The following FAM107B variants were observed in gnomAD, a reference collection of about 807,000 sequenced individuals.
FAM107B encodes protein FAM107B.
Under a neutral mutation model 31.5 loss-of-function variants are expected in FAM107B, and 21 were observed. That is an observed-to-expected ratio of 0.67 (90% confidence interval 0.47 to 0.96). FAM107B has a LOEUF of 0.96. Among genes scored for constraint, FAM107B ranks in the 40% least tolerant of loss-of-function variants. FAM107B has a pLI of 0.00. For missense variants in FAM107B, 452 were observed against 377.1 expected, an observed-to-expected ratio of 1.20 and a Z score of -1.64; for synonymous variants, 157 against 141.5, an observed-to-expected ratio of 1.11 and a Z score of -0.78.
At chr10:14,752,381 C>A (rs1027324328) in intron 1 of FAM107B, among the ~76,000 whole-genome samples, 2 of 152,192 alleles carry the variant, frequency 1.3e-5, no homozygotes, top group Non-Finnish European at 2.9e-5. Flanking sequence ...GATCCTGTAC[C>A]CTGAGAGGTT....
At chr10:14,532,653 AACGTGCTCCTCGGCAAAATCCTAAATGC>A (rs759779527) in intron 2 of FAM107B, 2 of 152,310 alleles carry the variant, frequency 1.3e-5, no homozygotes, top group East Asian at 3.9e-4. Flanking sequence ...CCCATGGAAA[AACGTGCTCCTCGGCAAAATCCTAAATGC>A]ACTACATACA....
intron 1 of FAM107B, among the ~76,000 whole-genome samples, chr10:14,710,389 A>AT (rs1554851471): frequency 6.6e-6 from 1 of 151,832 alleles, no homozygotes; most frequent in Non-Finnish European, 1.5e-5. Context: ...CCAGCATGGG[A>AT]TAAAAAACAT....
chr10:14,628,115 T>G (rs1032984254), intron 2 of FAM107B, among the ~76,000 whole-genome samples: 2 of 120,260 alleles, frequency 1.7e-5, no homozygotes, highest in Non-Finnish European at 3.4e-5. Context: ...TTTGCTGGTT[T>G]TTTTTTTTTT....
intron 2 of FAM107B, among the ~76,000 whole-genome samples, chr10:14,664,061 A>T (rs1214149685): frequency 2.0e-5 from 3 of 152,104 alleles, no homozygotes; most frequent in Non-Finnish European, 4.4e-5. Flanking sequence ...CATTCTCTTG[A>T]AAAACTTCCT....
At chr10:14,669,992 C>T (rs1854503268) in intron 1 of FAM107B, among the ~76,000 whole-genome samples, 1 of 152,128 alleles carries the variant, frequency 6.6e-6, no homozygotes, top group Admixed American at 6.5e-5. Flanking sequence ...AATGCCTTGA[C>T]TTGATCATCA....
At position 14,624,509 on chromosome 10, in the gene FAM107B, G is replaced by A. The variant is rs74122857; in HGVS notation, c.469+43125C>T. ...AAATACGCCAGGTGTGGTGGTGTGC[G>A]CCTGTAATCCTAGCTACTCGGGAGG... is the stretch of plus-strand genomic sequence containing the variant. On this transcript the variant is annotated intron_variant, in intron 2 of 4. Transcript: ENST00000181796. Among the ~76,000 whole-genome samples, 16 of 152,082 alleles carry A rather than the reference G, an allele frequency of 1.1e-4. 1 individual carries two copies. In the South Asian group the frequency reaches 1.2e-3, roughly 12 times the overall value.
chr10:14,723,373 C>G (rs1257055728), intron 1 of FAM107B: 7 of 548,080 alleles, frequency 1.3e-5, no homozygotes, highest in Non-Finnish European at 2.1e-5. Flanking sequence ...TCGATTTGCC[C>G]TGAAATTCCT....
chr10:14,521,019 T>C lies in FAM107B; in HGVS notation c.*171A>G. On this transcript the variant is annotated 3_prime_UTR_variant, in exon 5 of 5. Transcript: ENST00000181796. ...TCATTTGGCGAATAGGAACTGCAAC[T>C]GTCACAGGCAAGGCATCCACCCAGA... The C allele has an allele frequency of 1.7e-6, 1 of 588,090 alleles. No individual in the cohort carries two copies. The highest frequency in any genetic ancestry group is 3.0e-6 in the Non-Finnish European group (1 of 334,172). 36.4% of individuals were successfully genotyped at this position (588,090 alleles called of 1,614,324 possible).
intron 1 of FAM107B, among the ~76,000 whole-genome samples, chr10:14,714,110 C>T (rs1475199733): frequency 1.3e-5 from 2 of 152,168 alleles, no homozygotes; most frequent in Non-Finnish European, 2.9e-5. Flanking sequence ...ACATAATAAT[C>T]TGTATACCAA....
At chr10:14,588,622 GA>G (rs1851920257) in intron 2 of FAM107B, among the ~76,000 whole-genome samples, 1 of 152,122 alleles carries the variant, frequency 6.6e-6, no homozygotes, top group South Asian at 2.1e-4. Flanking sequence ...ACCGTCCTGA[GA>G]AACAGGAGGC....
At chr10:14,630,843 C>A (rs1420492047) in intron 2 of FAM107B, among the ~76,000 whole-genome samples, 1 of 151,452 alleles carries the variant, frequency 6.6e-6, no homozygotes, top group African/African-American at 2.4e-5. Flanking sequence ...GAGGGAGACC[C>A]CGTCTCAAAA....
chr10:14,712,898 G>A (rs558763376), intron 1 of FAM107B, among the ~76,000 whole-genome samples: 1 of 152,254 alleles, frequency 6.6e-6, no homozygotes, highest in South Asian at 2.1e-4. Flanking sequence ...CCTTGATGGT[G>A]ACTGAGACTA....
At chr10:14,686,248 G>T (rs1365787589) in intron 1 of FAM107B, among the ~76,000 whole-genome samples, 1 of 152,086 alleles carries the variant, frequency 6.6e-6, no homozygotes, top group African/African-American at 2.4e-5. Flanking sequence ...AATTAGCCGG[G>T]CATGTTGGTT....
rs141790232 is a variant in FAM107B at position 14,593,074 on chromosome 10, G to A, written c.470-62559C>T. On this transcript the variant is annotated intron_variant, in intron 2 of 4. Coordinates refer to ENST00000181796, the MANE Select transcript of FAM107B (RefSeq NM_031453.4). Reference sequence around the variant, plus strand: ...CGGGTTAATATTTTAAAAAATGGCAGACTTCCCTGGGGTCCTACCCAGATA... The same window carrying A: ...CGGGTTAATATTTTAAAAAATGGCAAACTTCCCTGGGGTCCTACCCAGATA... Among the ~76,000 whole-genome samples, 889 of 152,296 alleles carry A rather than the reference G, an allele frequency of 5.8e-3. 7 individuals are homozygous for A. Among genetic ancestry groups the A allele is most frequent in the African/African-American group, 0.02 (843 of 41,562 alleles).
chr10:14,739,167 A>G (rs1856378615), intron 1 of FAM107B, among the ~76,000 whole-genome samples: 2 of 152,212 alleles, frequency 1.3e-5, no homozygotes, highest in Non-Finnish European at 2.9e-5. Context: ...AACGTTCATC[A>G]TACACATCCC....
At chr10:14,594,619 G>A (rs75143056) in intron 2 of FAM107B, among the ~76,000 whole-genome samples, 2,135 of 152,268 alleles carry the variant, frequency 0.014, 57 homozygotes, top group African/African-American at 0.048. Context: ...AAGGGCGTGT[G>A]AAGAAGCAGT....
intron 1 of FAM107B, among the ~76,000 whole-genome samples, chr10:14,753,502 C>G (rs1220796785): frequency 6.6e-6 from 1 of 152,198 alleles, no homozygotes; most frequent in Non-Finnish European, 1.5e-5. Flanking sequence ...GGAAGAACTT[C>G]TAGATTTTAC....
intron 1 of FAM107B, among the ~76,000 whole-genome samples, chr10:14,767,055 T>TATATATATAGAG (rs1440609298): frequency 4.4e-4 from 8 of 18,272 alleles, no homozygotes; most frequent in Non-Finnish European, 6.7e-4. Context: ...TATATATATA[T>TATATATATAGAG]AGAGAGAGAG....
chr10:14,756,264 T>C (rs866530921), intron 1 of FAM107B, among the ~76,000 whole-genome samples: 6 of 152,324 alleles, frequency 3.9e-5, no homozygotes, highest in Middle Eastern at 3.4e-3. Context: ...TATTAATAAA[T>C]TAATTCTCTT....
Sources: gnomAD v4.1 joint callset for allele counts (sites outside exome capture counted in the v4.1 genomes callset) on GRCh38, gnomAD v4.1.1 for gene constraint, MANE v1.5 for transcripts, NCBI Gene and HGNC (gene_info 2026-07-23, HGNC 2026-07-21) for gene names.